The following SULT1A1 variants were observed in gnomAD, a reference collection of about 807,000 sequenced individuals.
The protein encoded by SULT1A1 is sulfotransferase family 1A member 1.
In SULT1A1, 35 loss-of-function variants were observed where a neutral mutation model predicts 36.8. The ratio of observed to expected loss-of-function variants is 0.95; its 90% CI spans 0.73 to 1.26. The LOEUF (loss-of-function observed/expected upper bound fraction) is 1.26, where lower values mean the gene tolerates loss of function less well. SULT1A1 is among the 50% of genes most tolerant of loss of function. The pLI is 0.00. For missense variants in SULT1A1, 309 were observed against 383.0 expected, an observed-to-expected ratio of 0.81 and a Z score of 1.61; for synonymous variants, 119 against 146.0, an observed-to-expected ratio of 0.82 and a Z score of 1.33.
At chr16:28,618,904 T>C (rs1327927070) in intron 2 of SULT1A1, among the ~76,000 whole-genome samples, 2 of 152,250 alleles carry the variant, frequency 1.3e-5, no homozygotes, top group Non-Finnish European at 2.9e-5. Context: ...ACAAAATAAA[T>C]TGTCCCTTTG....
At chr16:28,622,204 C>A (rs1437469744) in intron 1 of SULT1A1, among the ~76,000 whole-genome samples, 1 of 151,404 alleles carries the variant, frequency 6.6e-6, no homozygotes, top group Admixed American at 6.6e-5. Context: ...CTCTGGGGGA[C>A]ACACTACTTG....
At chr16:28,622,870 GACCTGCTGT>G (rs943108825) in intron 1 of SULT1A1, among the ~76,000 whole-genome samples, 1 of 152,068 alleles carries the variant, frequency 6.6e-6, no homozygotes, top group African/African-American at 2.4e-5. Context: ...CTAAATTCCT[GACCTGCTGT>G]ACCTCTGGCT....
chr16:28,623,052 A>G, intron 1 of SULT1A1: 1 of 1,508,770 alleles, frequency 6.6e-7, no homozygotes, highest in Non-Finnish European at 8.9e-7. Context: ...CCCTCCCTCC[A>G]GCCGCTTGAT....
intron 2 of SULT1A1, among the ~76,000 whole-genome samples, chr16:28,619,282 G>A (rs937219786): frequency 5.3e-5 from 8 of 152,204 alleles, no homozygotes; most frequent in Non-Finnish European, 1.0e-4. Context: ...CAGGTGTTGG[G>A]ATTAGAGGCG....
chr16:28,622,141 A>G (rs2047668780), intron 1 of SULT1A1, among the ~76,000 whole-genome samples: 1 of 152,070 alleles, frequency 6.6e-6, no homozygotes, highest in Non-Finnish European at 1.5e-5. Context: ...CTCTACATGC[A>G]ATCATGCACC....
intron 1 of SULT1A1, chr16:28,623,051 C>T: frequency 1.3e-6 from 2 of 1,512,680 alleles, no homozygotes; most frequent in Non-Finnish European, 1.8e-6. Flanking sequence ...GCCCTCCCTC[C>T]AGCCGCTTGA....
rs1291031485 is a variant in SULT1A1, at chr16:28,608,361, G to A, written c.302C>T (p.Ala101Val). The A allele has an allele frequency of 6.2e-7, 1 of 1,612,414 alleles. No individual in the cohort carries two copies. Among genetic ancestry groups the A allele is most frequent in the Non-Finnish European group, 8.5e-7 (1 of 1,178,698 alleles). Reference protein sequence around the residue: ...SGMETLKDTPAPRLLKTHLPL... With the variant: ...SGMETLKDTPVPRLLKTHLPL... ...CAGGTGTGTCTTCAGGAGTCGTGGGGCCGGTGTGTCTTTCAGAGTCTCCAT... is the reference window on the plus strand; with the variant it reads ...CAGGTGTGTCTTCAGGAGTCGTGGGACCGGTGTGTCTTTCAGAGTCTCCAT... The change falls in exon 4 of 8, where the codon GCC (alanine) becomes GTC (valine). Residue 101 changes from alanine (A) to valine (V), a missense_variant. By Grantham distance (64) the Ala-to-Val change is moderately conservative (BLOSUM62 0). Coordinates refer to ENST00000314752, the MANE Select transcript of SULT1A1 (RefSeq NM_001055.4).
At chr16:28,606,662 G>C in intron 6 of SULT1A1, 99 bp downstream of exon 6, 1 of 1,541,614 alleles carries the variant, frequency 6.5e-7, no homozygotes, top group South Asian at 1.2e-5. Context: ...GTCCTGCTGT[G>C]GGGGCTGCCC....
At chr16:28,609,517 C>T in intron 1 of SULT1A1, 3 of 810,120 alleles carry the variant, frequency 3.7e-6, no homozygotes, top group East Asian at 6.3e-5. Context: ...TAATCCCAGA[C>T]CCTAGGGAGG....
At position 28,606,944 on chromosome 16, in the gene SULT1A1, A is replaced by C; in HGVS notation, c.499+7T>G. 2 of 1,612,458 alleles carry C rather than the reference A, an allele frequency of 1.2e-6. No individual in the cohort carries two copies. The highest frequency in any genetic ancestry group is 1.7e-6 in the Non-Finnish European group (2 of 1,178,668). On this transcript the variant is annotated splice_region_variant and intron_variant, in intron 5 of 7. Coordinates refer to ENST00000314752, the MANE Select transcript of SULT1A1 (RefSeq NM_001055.4). Reference sequence around the variant, plus strand: ...CTCCACACTTTCCTTCCTCCCATCAAACCCACCTTCTCCGACCATGAACTT... The same window carrying C: ...CTCCACACTTTCCTTCCTCCCATCACACCCACCTTCTCCGACCATGAACTT...
intron 1 of SULT1A1, chr16:28,609,282 T>C: frequency 1.6e-6 from 2 of 1,259,164 alleles, no homozygotes; most frequent in Non-Finnish European, 2.0e-6. Flanking sequence ...CTCCACCCAG[T>C]GGAGATGCTC....
At chr16:28,620,331 G>A (rs182601618) in intron 1 of SULT1A1, among the ~76,000 whole-genome samples, 8 of 152,068 alleles carry the variant, frequency 5.3e-5, no homozygotes, top group South Asian at 2.1e-4. Flanking sequence ...TTGGGAGGCC[G>A]AGGCAGGCAG....
chr16:28,608,117 A>G (rs1567307159), intron 4 of SULT1A1, 174 bp downstream of exon 4: 1 of 923,574 alleles, frequency 1.1e-6, no homozygotes, highest in East Asian at 2.6e-5. Flanking sequence ...GCTTCGGAGT[A>G]GCTGGGATTA....
chr16:28,622,288 A>C (rs1481060749), intron 1 of SULT1A1, among the ~76,000 whole-genome samples: 1 of 152,112 alleles, frequency 6.6e-6, no homozygotes, highest in Admixed American at 6.5e-5. Flanking sequence ...CTCTTGGTGG[A>C]GTCATTTGTG....
exon 1 of SULT1A1, chr16:28,623,168 C>CGCG (rs1172561564): frequency 4.0e-5 from 62 of 1,550,822 alleles, no homozygotes; most frequent in Non-Finnish European, 5.2e-5. Context: ...GCGCACCGAC[C>CGCG]ACCTGGTCGC....
chr16:28,617,008 T>A (rs2047559837), intron 2 of SULT1A1, among the ~76,000 whole-genome samples: 1 of 151,600 alleles, frequency 6.6e-6, no homozygotes, highest in South Asian at 2.1e-4. Context: ...TCCAGATCTT[T>A]TTTTTTATTT....
At chr16:28,618,415 G>A (rs1335053564) in intron 2 of SULT1A1, among the ~76,000 whole-genome samples, 2 of 132,634 alleles carry the variant, frequency 1.5e-5, no homozygotes, top group African/African-American at 5.6e-5. Context: ...GCGTGATATC[G>A]GCTTAGTGCA....
intron 2 of SULT1A1, among the ~76,000 whole-genome samples, chr16:28,617,315 C>G (rs970027170): frequency 4.6e-5 from 7 of 152,182 alleles, no homozygotes; most frequent in Non-Finnish European, 1.0e-4. Context: ...TGGTGCCTGG[C>G]CCCAGCAAGA....
chr16:28,608,656 G>A, intron 2 of SULT1A1, 52 bp downstream of exon 2: 9 of 1,611,232 alleles, frequency 5.6e-6, no homozygotes, highest in South Asian at 4.4e-5. Context: ...GACCTCGCTG[G>A]CCAAGGTGGG....
Sources: gnomAD v4.1 joint callset for allele counts (sites outside exome capture counted in the v4.1 genomes callset) on GRCh38, gnomAD v4.1.1 for gene constraint, MANE v1.5 for transcripts, NCBI Gene and HGNC (gene_info 2026-07-23, HGNC 2026-07-21) for gene names.